TOR1A: variants seen among roughly 807,000 people sequenced by gnomAD.
TOR1A encodes the protein torsin-1A.
A neutral mutation model predicts 31.4 loss-of-function variants in TOR1A; 18 were observed. The ratio of observed to expected loss-of-function variants is 0.57; its 90% CI spans 0.40 to 0.85. The LOEUF is 0.85. Among genes scored for constraint, TOR1A ranks in the 40% least tolerant of loss-of-function variants. The pLI is 0.00. For synonymous variants in TOR1A, 168 were observed against 165.9 expected (o/e 1.01, Z -0.10); for missense variants, 375 against 416.4 (o/e 0.90, Z 0.87).
At chr9:129,817,838 CAAAAAAAAAAAA>C (rs760010551) in intron 4 of TOR1A, among the ~76,000 whole-genome samples, 6,732 of 45,732 alleles carry the variant, frequency 0.15, 236 homozygotes, top group Non-Finnish European at 0.2. Context: ...CAGTCTCTAC[CAAAAAAAAAAAA>C]AAAAAAAAAA....
chr9:129,823,894 CCG>C lies in TOR1A; in HGVS notation c.178+12_178+13del. 6.4e-7 allele frequency: 1 copy of C among 1,558,228 alleles called. No individual in the cohort carries two copies. Among genetic ancestry groups the C allele is most frequent in the Non-Finnish European group, 8.7e-7 (1 of 1,152,538 alleles). ...CAGCCCCAGCCCCAGCCTCCAGCCC[CCG>C]CCCCAGCCTACCCTCCCGGCTAAGG... On this transcript the variant is annotated intron_variant, in intron 1 of 4. Coordinates refer to ENST00000351698, the MANE Select transcript of TOR1A (RefSeq NM_000113.3).
chr9:129,823,965 G>A lies in TOR1A; in HGVS notation c.121C>T (p.Arg41Cys), dbSNP rs1370852637. Residue 41 changes from arginine to cysteine, a missense_variant, in exon 1 of 5, where the codon CGT becomes TGT. Transcript: ENST00000351698. ...CACTCGGCGAAGAGGCAGTAGAGACGCGGGTAGATGTAGCCGGTGAGGACG... is the reference window on the plus strand; with the variant it reads ...CACTCGGCGAAGAGGCAGTAGAGACACGGGTAGATGTAGCCGGTGAGGACG... ...AGVLTGYIYP[R>C]LYCLFAECCG... 6.2e-7 allele frequency: 1 copy of A among 1,610,692 alleles called. No individual in the cohort carries two copies. The highest frequency in any genetic ancestry group is 1.3e-5 in the African/African-American group (1 of 74,768).
chr9:129,823,950 A>C lies in TOR1A; in HGVS notation c.136T>G (p.Phe46Val). ...CGCTTCTGCCCGCAGCACTCGGCGA[A>C]GAGGCAGTAGAGACGCGGGTAGATG... is the stretch of plus-strand genomic sequence containing the variant. The part of the protein sequence containing the change: ...GYIYPRLYCL[F>V]AECCGQKRSL... Residue 46 changes from phenylalanine (F) to valine (V), a missense_variant, in exon 1 of 5, where the codon TTC (phenylalanine) becomes GTC (valine). Transcript: ENST00000351698. 6.2e-7 allele frequency: 1 copy of C among 1,611,240 alleles called. No homozygotes were observed. The highest frequency in any genetic ancestry group is 8.5e-7 in the Non-Finnish European group (1 of 1,179,518).
At position 129,823,226 on chromosome 9, in the gene TOR1A, T is replaced by A. The variant is rs111446806; in HGVS notation, c.179-380A>T. 8.2e-5 allele frequency: 29 copies of A among 354,844 alleles called. 1 individual carries two copies. The highest frequency in any genetic ancestry group is 5.3e-4 in the African/African-American group (25 of 47,410). 22.0% of individuals were successfully genotyped at this position (354,844 alleles called of 1,614,324 possible). On this transcript the variant is annotated intron_variant, in intron 1 of 4. Coordinates refer to ENST00000351698, the MANE Select transcript of TOR1A (RefSeq NM_000113.3). ...CCTCACCATCCTTCCTGTCTCCCGC[T>A]AGGCTAGAAAGGAGGCAGAACCCAC...
At chr9:129,814,440 G>T (rs1366597998) in intron 4 of TOR1A, among the ~76,000 whole-genome samples, 1 of 135,622 alleles carries the variant, frequency 7.4e-6, no homozygotes, top group Non-Finnish European at 1.5e-5. Flanking sequence ...CACCTACTGG[G>T]TGTCATCCAC....
At chr9:129,819,752 AT>A (rs1165063770) in intron 2 of TOR1A, among the ~76,000 whole-genome samples, 1 of 149,234 alleles carries the variant, frequency 6.7e-6, no homozygotes, top group Non-Finnish European at 1.5e-5. Flanking sequence ...GCAAGACTCC[AT>A]TAAAAAAAAA....
intron 2 of TOR1A, 191 bp downstream of exon 2, chr9:129,822,390 A>C (rs1161495205): frequency 1.3e-6 from 1 of 798,566 alleles, no homozygotes; most frequent in Non-Finnish European, 2.1e-6. Flanking sequence ...AACCCACCAC[A>C]AAGCTTTGAT....
At chr9:129,822,277 A>G in intron 2 of TOR1A, 1 of 407,512 alleles carries the variant, frequency 2.5e-6, no homozygotes, top group East Asian at 5.8e-5. Context: ...AAATAAAGAA[A>G]AAAATAAAAA....
chr9:129,822,191 G>A, intron 2 of TOR1A: 1 of 321,350 alleles, frequency 3.1e-6, no homozygotes, highest in Non-Finnish European at 6.0e-6. Flanking sequence ...GCTTCAACCG[G>A]GAGGCAGAGG....
At chr9:129,816,001 G>T (rs2031027560) in intron 4 of TOR1A, among the ~76,000 whole-genome samples, 1 of 151,962 alleles carries the variant, frequency 6.6e-6, no homozygotes, top group Admixed American at 6.6e-5. Flanking sequence ...AGCACCACCT[G>T]CCCAGGACCC....
Position 129,823,946 on chromosome 9 carries a change from G to A in TOR1A, c.140C>T (p.Ala47Val). ...YIYPRLYCLF[A>V]ECCGQKRSLS... The stretch of plus-strand genomic sequence containing the variant: ...GCTCCGCTTCTGCCCGCAGCACTCG[G>A]CGAAGAGGCAGTAGAGACGCGGGTA... Residue 47 changes from alanine (A) to valine (V), a missense_variant, in exon 1 of 5, where the codon GCC becomes GTC. By Grantham distance (64) the Ala-to-Val change is moderately conservative. Transcript: ENST00000351698. 2 of 1,610,862 alleles carry A rather than the reference G, an allele frequency of 1.2e-6. No individual in the cohort carries two copies. Among genetic ancestry groups the A allele is most frequent in the Non-Finnish European group, 8.5e-7 (1 of 1,179,376 alleles).
intron 4 of TOR1A, among the ~76,000 whole-genome samples, chr9:129,816,248 C>T (rs562294250): frequency 4.6e-5 from 7 of 152,214 alleles, no homozygotes; most frequent in South Asian, 2.1e-4. Context: ...CTCACTCCCC[C>T]GGGTCAGCCC....
intron 1 of TOR1A, chr9:129,823,413 G>GCCCCCGCGGA (rs2031238107): frequency 3.7e-6 from 1 of 270,876 alleles, no homozygotes; most frequent in Non-Finnish European, 7.2e-6. Context: ...CCGGGGTCCG[G>GCCCCCGCGGA]CCCCCGCGGA....
chr9:129,814,867 G>A (rs1215042861), intron 4 of TOR1A, among the ~76,000 whole-genome samples: 3 of 152,124 alleles, frequency 2.0e-5, no homozygotes, highest in Non-Finnish European at 4.4e-5. Context: ...GCCTGCTGCC[G>A]CTGCCACAGT....
intron 4 of TOR1A, among the ~76,000 whole-genome samples, chr9:129,816,138 A>T (rs1753888725): frequency 6.6e-6 from 1 of 152,056 alleles, no homozygotes; most frequent in South Asian, 2.1e-4. Context: ...TCCTCTGTTT[A>T]TCCTCAACCA....
chr9:129,818,111 G>C (rs574005954), intron 4 of TOR1A, among the ~76,000 whole-genome samples: 1 of 152,282 alleles, frequency 6.6e-6, no homozygotes, highest in Admixed American at 6.5e-5. Flanking sequence ...TTCAAGACCA[G>C]CCTGGCCAAC....
rs1463895674 is a variant in TOR1A at position 129,822,666 on chromosome 9, T to A, written c.359A>T (p.Tyr120Phe). The A allele has an allele frequency of 6.2e-7, 1 of 1,614,234 alleles. No homozygotes were observed. The highest frequency in any genetic ancestry group is 1.7e-5 in the Admixed American group (1 of 60,028). The change falls in exon 2 of 5, where the codon TAC becomes TTC. Residue 120 changes from tyrosine (Y) to phenylalanine (F), a missense_variant. Physicochemically the swap from Tyr to Phe is conservative, Grantham distance 22. Coordinates refer to ENST00000351698, the MANE Select transcript of TOR1A (RefSeq NM_000113.3). The stretch of plus-strand genomic sequence containing the variant: ...ATAGTCACTGTTCAGACCACCCTCG[T>A]AAATATTCTCTGCGATGATCTTGCT... ...FVSKIIAENI[Y>F]EGGLNSDYVH...
At position 129,814,009 on chromosome 9, in the gene TOR1A, G is replaced by T; in HGVS notation, c.962C>A (p.Thr321Lys). 6.2e-7 allele frequency: 1 copy of T among 1,614,198 alleles called. No homozygotes were observed. The highest frequency in any genetic ancestry group is 8.5e-7 in the Non-Finnish European group (1 of 1,180,046). The change falls in exon 5 of 5, where the codon ACG (threonine) becomes AAG (lysine). Residue 321 changes from threonine to lysine, a missense_variant. Coordinates refer to ENST00000351698, the MANE Select transcript of TOR1A (RefSeq NM_000113.3). Reference sequence around the variant, plus strand: ...GTAATAATCTAACTTGGTGAACACCGTTTTGCAGCCTTTATCTGAGAAAAC... The same window carrying T: ...GTAATAATCTAACTTGGTGAACACCTTTTTGCAGCCTTTATCTGAGAAAAC... ...ERVFSDKGCK[T>K]VFTKLDYYYD...
At chr9:129,817,567 C>T (rs2031070194) in intron 4 of TOR1A, among the ~76,000 whole-genome samples, 1 of 151,788 alleles carries the variant, frequency 6.6e-6, no homozygotes, top group Non-Finnish European at 1.5e-5. Context: ...AGTGTGGTGG[C>T]AGGTGCCTGT....
Sources: allele counts gnomAD v4.1 joint callset (sites outside exome capture counted in the v4.1 genomes callset), GRCh38; gene constraint gnomAD v4.1.1; transcripts MANE v1.5; gene names NCBI Gene and HGNC (gene_info 2026-07-23, HGNC 2026-07-21).